Variants in CNTLN observed in about 807,000 individuals in gnomAD.
The protein encoded by CNTLN is centlein, centrosomal protein.
A neutral mutation model predicts 180.0 loss-of-function variants in CNTLN; 212 were observed. That is an observed-to-expected ratio of 1.18 (90% CI 1.05 to 1.32). The LOEUF (loss-of-function observed/expected upper bound fraction) is 1.32, where lower values mean the gene tolerates loss of function less well. Among genes scored for constraint, CNTLN ranks in the 40% most tolerant of loss-of-function variants. CNTLN has a pLI of 0.00. For missense variants in CNTLN, 2,095 were observed against 1,610.9 expected (o/e 1.30, Z -5.14); for synonymous variants, 722 against 563.1 (o/e 1.28, Z -3.99).
chr9:17,322,357 A>G (rs1383747621), intron 8 of CNTLN, among the ~76,000 whole-genome samples: 1 of 152,124 alleles, frequency 6.6e-6, no homozygotes, highest in South Asian at 2.1e-4. Context: ...ATTGTGTATT[A>G]TATTCACAAA....
Position 17,235,651 on chromosome 9 carries a change from T to C in CNTLN, c.535-7T>C, listed in dbSNP as rs1587278207. Reference sequence around the variant, plus strand: ...AGCTCACCAGTAATTTAAATTTTTTTCCACAGAGAGAGTCAGTACTGAAAC... The same window carrying C: ...AGCTCACCAGTAATTTAAATTTTTTCCCACAGAGAGAGTCAGTACTGAAAC... On this transcript the variant is annotated splice_polypyrimidine_tract_variant and splice_region_variant and intron_variant, in intron 3 of 25. Coordinates refer to ENST00000380647, the MANE Select transcript of CNTLN (RefSeq NM_017738.4). The C allele has an allele frequency of 2.0e-6, 3 of 1,500,820 alleles. No homozygotes were observed. Among genetic ancestry groups the C allele is most frequent in the Non-Finnish European group, 1.8e-6 (2 of 1,112,396 alleles). The allele number at this position is 1,500,820 out of a possible 1,614,324, so 93.0% of individuals were successfully genotyped here.
chr9:17,199,248 A>G (rs1360492079), intron 2 of CNTLN, among the ~76,000 whole-genome samples: 17 of 104,668 alleles, frequency 1.6e-4, no homozygotes, highest in South Asian at 2.9e-4. Flanking sequence ...GTCTTGCCCT[A>G]TTGTCCAGGC....
rs372422607 is a variant in CNTLN, at chr9:17,143,359, C to T, written c.432C>T (p.Val144=). 33 of 1,613,140 alleles carry T rather than the reference C, an allele frequency of 2.0e-5. No homozygotes were observed. The highest frequency in any genetic ancestry group is 2.5e-5 in the Non-Finnish European group (30 of 1,179,550). The change falls in exon 2 of 26, where the codon GTC becomes GTT. Residue 144 remains valine (V), a synonymous_variant. Transcript: ENST00000380647. ...QVTNPDLTQV[V]SLVVEREKQK... ...CAAACCCAGATCTCACACAAGTGGT[C>T]AGTTTGGTTGTGGAAAGGTGAGCTC...
At position 17,217,705 on chromosome 9, in the gene CNTLN, G is replaced by C. The variant is rs569020026; in HGVS notation, c.450-8498G>C. Reference sequence around the variant, plus strand: ...GGCATATAATGCACAATCATAAAAGGCATATAATACACAATCTTTTCCTAC... The same window carrying C: ...GGCATATAATGCACAATCATAAAAGCCATATAATACACAATCTTTTCCTAC... On this transcript the variant is annotated intron_variant, in intron 2 of 25. Coordinates refer to ENST00000380647, the MANE Select transcript of CNTLN (RefSeq NM_017738.4). Among the ~76,000 whole-genome samples, 137 of 152,208 alleles carry C rather than the reference G, an allele frequency of 9.0e-4. 1 individual carries two copies. The South Asian group carries it at 0.016, about 18-fold the overall frequency.
intron 18 of CNTLN, among the ~76,000 whole-genome samples, chr9:17,449,152 A>T (rs1172147039): frequency 6.6e-6 from 1 of 152,200 alleles, no homozygotes; most frequent in Admixed American, 6.5e-5. Flanking sequence ...ATGATGAATT[A>T]TTCTGGATAT....
intron 7 of CNTLN, 30 bp from the exon 8 acceptor site, chr9:17,309,028 A>T (rs1301366063): frequency 7.1e-7 from 1 of 1,400,288 alleles, no homozygotes; most frequent in Non-Finnish European, 9.6e-7. Context: ...ATTGATTATT[A>T]ATATAATTTG....
At chr9:17,521,967 A>G in the CNTLN span, among the ~76,000 whole-genome samples, 1 of 152,086 alleles carries the variant, frequency 6.6e-6, no homozygotes, top group African/African-American at 2.4e-5. Context: ...AATTCTGCCT[A>G]TATTATTTTC....
At chr9:17,261,432 G>T (rs1455170352) in intron 5 of CNTLN, among the ~76,000 whole-genome samples, 3 of 151,178 alleles carry the variant, frequency 2.0e-5, no homozygotes, top group Non-Finnish European at 2.9e-5. Context: ...TATTTTTTGT[G>T]GCTATTGTAA....
chr9:17,482,451 C>T (rs1185897738), intron 23 of CNTLN, among the ~76,000 whole-genome samples: 3 of 151,924 alleles, frequency 2.0e-5, no homozygotes, highest in African/African-American at 7.3e-5. Context: ...CAGATAAAGA[C>T]CTAAACAAAT....
intron 3 of CNTLN, among the ~76,000 whole-genome samples, chr9:17,230,945 T>C (rs1228385337): frequency 6.6e-6 from 1 of 152,136 alleles, no homozygotes; most frequent in African/African-American, 2.4e-5. Flanking sequence ...TTTTCCACCC[T>C]GGTGCTGGCT....
At chr9:17,297,655 T>A (rs2132783134) in intron 6 of CNTLN, among the ~76,000 whole-genome samples, 1 of 152,332 alleles carries the variant, frequency 6.6e-6, no homozygotes. Context: ...ATCAGTTCCT[T>A]CAAGCTGAGT....
At chr9:17,524,268 A>G in the CNTLN span, among the ~76,000 whole-genome samples, 1 of 152,182 alleles carries the variant, frequency 6.6e-6, no homozygotes, top group East Asian at 1.9e-4. Flanking sequence ...AATTTCTAAG[A>G]TCTGCCATTG....
At chr9:17,147,692 G>C (rs1818550398) in intron 2 of CNTLN, among the ~76,000 whole-genome samples, 1 of 152,088 alleles carries the variant, frequency 6.6e-6, no homozygotes, top group African/African-American at 2.4e-5. Context: ...GTGTTGTGTT[G>C]TTAGCTCATC....
intron 2 of CNTLN, among the ~76,000 whole-genome samples, chr9:17,158,607 G>A (rs1169895397): frequency 6.6e-6 from 1 of 151,916 alleles, no homozygotes; most frequent in East Asian, 1.9e-4. Flanking sequence ...AGTTTTGGTA[G>A]TTTGTGTCTA....
intron 8 of CNTLN, among the ~76,000 whole-genome samples, chr9:17,319,133 T>C (rs1383693061): frequency 6.6e-6 from 1 of 152,164 alleles, no homozygotes; most frequent in African/African-American, 2.4e-5. Flanking sequence ...AAACAACGTA[T>C]GTCATTTTGT....
chr9:17,270,887 A>T (rs1439187019), intron 5 of CNTLN, among the ~76,000 whole-genome samples: 1 of 151,976 alleles, frequency 6.6e-6, no homozygotes, highest in Non-Finnish European at 1.5e-5. Context: ...GTGGGAAACA[A>T]TGAAAAGTTT....
At chr9:17,273,975 G>A (rs773514976) in intron 6 of CNTLN, 109 bp downstream of exon 6, 5 of 894,404 alleles carry the variant, frequency 5.6e-6, no homozygotes, top group Non-Finnish European at 8.3e-6. Flanking sequence ...TATGTTTTCT[G>A]TGGTTATATA....
intron 2 of CNTLN, among the ~76,000 whole-genome samples, chr9:17,186,825 T>C (rs1331486956): frequency 6.6e-6 from 1 of 152,146 alleles, no homozygotes; most frequent in East Asian, 1.9e-4. Context: ...AATATAAATA[T>C]TACTATCCTT....
At chr9:17,285,169 C>A (rs200193053) in intron 6 of CNTLN, among the ~76,000 whole-genome samples, 198 of 125,142 alleles carry the variant, frequency 1.6e-3, no homozygotes, top group Middle Eastern at 0.014. Context: ...CCCACCCCAC[C>A]ACAGTCCCCA....
Sources: gnomAD v4.1 joint callset for allele counts (sites outside exome capture counted in the v4.1 genomes callset) on GRCh38, gnomAD v4.1.1 for gene constraint, MANE v1.5 for transcripts, NCBI Gene and HGNC (gene_info 2026-07-23, HGNC 2026-07-21) for gene names.